The following GRM7 variants were observed in gnomAD, a reference collection of about 807,000 sequenced individuals.
The protein encoded by GRM7 is glutamate metabotropic receptor 7.
In GRM7, 35 loss-of-function variants were observed where a neutral mutation model predicts 84.5. That is an observed-to-expected ratio of 0.41 (90% CI 0.32 to 0.55). GRM7 has a LOEUF of 0.55. Among genes scored for constraint, GRM7 ranks in the 20% least tolerant of loss-of-function variants. GRM7 has a pLI of 0.19. For synonymous variants in GRM7, 487 were observed against 455.1 expected (o/e 1.07, Z -0.89); for missense variants, 1,003 against 1,194.6 (o/e 0.84, Z 2.36).
chr3:7,125,758 T>C (rs373954335), intron 1 of GRM7, among the ~76,000 whole-genome samples: 4 of 152,202 alleles, frequency 2.6e-5, no homozygotes, highest in East Asian at 3.9e-4. Flanking sequence ...TAGAGACTTG[T>C]TGGCAGTAAA....
chr3:7,481,124 G>T (rs1192772034), intron 7 of GRM7, among the ~76,000 whole-genome samples: 1 of 151,700 alleles, frequency 6.6e-6, no homozygotes, highest in Non-Finnish European at 1.5e-5. Context: ...TATTACCCAG[G>T]CTGGAATGCA....
intron 7 of GRM7, chr3:7,520,115 A>T (rs1367082801): frequency 6.6e-6 from 1 of 152,190 alleles, no homozygotes; most frequent in African/African-American, 2.4e-5. Context: ...ATTGGATGAA[A>T]TAATCTTTAT....
chr3:7,629,600 G>T (rs1254321299), intron 8 of GRM7, among the ~76,000 whole-genome samples: 1 of 152,072 alleles, frequency 6.6e-6, no homozygotes, highest in African/African-American at 2.4e-5. Context: ...TGGGGGTTAG[G>T]GCTGCCTCAT....
At chr3:6,895,103 A>G (rs1343381830) in intron 1 of GRM7, among the ~76,000 whole-genome samples, 2 of 152,196 alleles carry the variant, frequency 1.3e-5, no homozygotes, top group East Asian at 1.9e-4. Flanking sequence ...GAAGGTGCCA[A>G]TAGATGAACC....
rs772190427 is a variant in GRM7, at chr3:7,146,509, G to T, written c.577G>T (p.Asp193Tyr). The T allele has an allele frequency of 6.2e-7, 1 of 1,614,016 alleles. No individual in the cohort carries two copies. Among genetic ancestry groups the T allele is most frequent in the Admixed American group, 1.7e-5 (1 of 60,012 alleles). ...APELSDDRRY[D>Y]FFSRVVPPDS... ...CGAGCTAAGTGATGACCGGCGCTAT[G>T]ACTTCTTCTCTCGCGTGGTGCCACC... Residue 193 changes from aspartate to tyrosine, a missense_variant, in exon 2 of 10, where the codon GAC becomes TAC. Asp to Tyr is a radical substitution (Grantham distance 160, BLOSUM62 -3). Transcript: ENST00000357716.
At chr3:7,121,844 T>C (rs927930037) in intron 1 of GRM7, among the ~76,000 whole-genome samples, 3 of 152,112 alleles carry the variant, frequency 2.0e-5, no homozygotes, top group African/African-American at 7.2e-5. Context: ...TATTGCAAGG[T>C]GGGGCCTCAA....
At chr3:6,943,264 T>A (rs1386262414) in intron 1 of GRM7, among the ~76,000 whole-genome samples, 1 of 151,686 alleles carries the variant, frequency 6.6e-6, no homozygotes, top group Non-Finnish European at 1.5e-5. Context: ...AAAGAAAAAA[T>A]TTTTGTGTGT....
chr3:6,942,814 C>T (rs900489953), intron 1 of GRM7, among the ~76,000 whole-genome samples: 2 of 152,024 alleles, frequency 1.3e-5, no homozygotes, highest in Admixed American at 6.6e-5. Flanking sequence ...TTTTCCAAAG[C>T]GGTTGTACCA....
intron 1 of GRM7, among the ~76,000 whole-genome samples, chr3:6,914,377 A>G (rs1050265272): frequency 2.0e-5 from 3 of 151,894 alleles, no homozygotes; most frequent in African/African-American, 4.8e-5. Flanking sequence ...TGTTTTAGCT[A>G]TTTTCACAAT....
chr3:7,125,893 T>A (rs1279904474), intron 1 of GRM7, among the ~76,000 whole-genome samples: 3 of 152,182 alleles, frequency 2.0e-5, no homozygotes, highest in Non-Finnish European at 2.9e-5. Flanking sequence ...TGAGTGTCTA[T>A]TTTGAGGGTG....
At chr3:6,914,059 T>C (rs1696862274) in intron 1 of GRM7, among the ~76,000 whole-genome samples, 1 of 152,178 alleles carries the variant, frequency 6.6e-6, no homozygotes, top group Non-Finnish European at 1.5e-5. Context: ...GTACGAATTG[T>C]TTTCTCCTTT....
chr3:7,604,783 A>G (rs1160217753), intron 8 of GRM7, among the ~76,000 whole-genome samples: 1 of 152,152 alleles, frequency 6.6e-6, no homozygotes, highest in East Asian at 1.9e-4. Flanking sequence ...AAGTAAAGGG[A>G]CTCAATAAGA....
chr3:7,008,450 A>G (rs1275414879), intron 1 of GRM7, among the ~76,000 whole-genome samples: 2 of 152,218 alleles, frequency 1.3e-5, no homozygotes, highest in Non-Finnish European at 2.9e-5. Flanking sequence ...TACTACACTG[A>G]TTTGCTAAAT....
At chr3:7,250,143 A>T (rs567354836) in intron 2 of GRM7, among the ~76,000 whole-genome samples, 1 of 152,324 alleles carries the variant, frequency 6.6e-6, no homozygotes, top group African/African-American at 2.4e-5. Context: ...TGGCAGAACA[A>T]CATATTTGAA....
intron 8 of GRM7, among the ~76,000 whole-genome samples, chr3:7,581,538 A>C (rs1695251585): frequency 6.6e-6 from 1 of 152,206 alleles, no homozygotes; most frequent in Non-Finnish European, 1.5e-5. Context: ...GCGTGTATAC[A>C]TGAAACTATA....
At chr3:6,990,698 T>G (rs1321735740) in intron 1 of GRM7, among the ~76,000 whole-genome samples, 1 of 152,188 alleles carries the variant, frequency 6.6e-6, no homozygotes, top group African/African-American at 2.4e-5. Context: ...AGTACCTCAT[T>G]CTCTTCATGA....
At chr3:7,331,141 C>G (rs1701193806) in intron 4 of GRM7, among the ~76,000 whole-genome samples, 1 of 152,182 alleles carries the variant, frequency 6.6e-6, no homozygotes, top group Admixed American at 6.5e-5. Flanking sequence ...TTAGTTAATA[C>G]TGTATTCCCT....
chr3:7,732,866 G>C (rs186943440), intron 9 of GRM7, among the ~76,000 whole-genome samples: 81 of 152,240 alleles, frequency 5.3e-4, no homozygotes, highest in Non-Finnish European at 8.5e-4. Flanking sequence ...AATAAAGAAT[G>C]GCTATTCCAT....
chr3:7,068,390 A>G (rs1049111844), intron 1 of GRM7, among the ~76,000 whole-genome samples: 5 of 152,168 alleles, frequency 3.3e-5, no homozygotes, highest in African/African-American at 9.6e-5. Context: ...GCTCAGGTCA[A>G]TAAAGGCCTG....
Sources: allele counts gnomAD v4.1 joint callset (sites outside exome capture counted in the v4.1 genomes callset), GRCh38; gene constraint gnomAD v4.1.1; transcripts MANE v1.5; gene names NCBI Gene and HGNC (gene_info 2026-07-23, HGNC 2026-07-21).